Variants in TCF7 observed in about 807,000 individuals in gnomAD.
TCF7 encodes T-cell-factor-7.
Under a neutral mutation model 46.8 loss-of-function variants are expected in TCF7, and 19 were observed. The observed-to-expected ratio is 0.41, with a 90% CI of 0.28 to 0.60. The LOEUF is 0.60. TCF7 is among the 20% of genes least tolerant of loss of function. The pLI is 0.35. For missense variants in TCF7, 547 were observed against 504.6 expected (o/e 1.08, Z -0.81); for synonymous variants, 245 against 213.4 (o/e 1.15, Z -1.29).
Position 134,142,705 on chromosome 5 carries a change from G to T in TCF7, c.756-16G>T. 1 of 1,613,480 alleles carries T rather than the reference G, an allele frequency of 6.2e-7. No homozygotes were observed. Among genetic ancestry groups the T allele is most frequent in the Non-Finnish European group, 8.5e-7 (1 of 1,179,686 alleles). Reference sequence around the variant, plus strand: ...ACTCGGGGGGCTCCTGAACAATCTGGATTTGTGCCCCTCAGGAAGACACAA... The same window carrying T: ...ACTCGGGGGGCTCCTGAACAATCTGTATTTGTGCCCCTCAGGAAGACACAA... On this transcript the variant is annotated splice_polypyrimidine_tract_variant and intron_variant, in intron 6 of 9. Coordinates refer to ENST00000342854, the MANE Select transcript of TCF7 (RefSeq NM_003202.5).
At position 134,115,045 on chromosome 5, in the gene TCF7, G is replaced by A. The variant is rs1490018443; in HGVS notation, c.139G>A (p.Asp47Asn). ...CGACAGCGCCGCCGGTCCCGAGCGC[G>A]ACCTGGCCGAGCTCAAGTCGTCGCT... The part of the protein sequence containing the change: ...SRDSAAGPER[D>N]LAELKSSLVN... The change falls in exon 1 of 10, where the codon GAC (aspartate) becomes AAC (asparagine). Residue 47 changes from aspartate (D) to asparagine (N), a missense_variant. By Grantham distance (23) the Asp-to-Asn change is conservative. Transcript: ENST00000342854. 6.5e-6 allele frequency: 8 copies of A among 1,231,628 alleles called. No individual in the cohort carries two copies. Among genetic ancestry groups the A allele is most frequent in the Non-Finnish European group, 8.3e-6 (8 of 961,690 alleles). The allele number at this position is 1,231,628 out of a possible 1,614,324, so 76.3% of individuals were successfully genotyped here. A position where few individuals can be genotyped will look rare whatever the true frequency, so the allele number is the denominator to read the frequency against.
At chr5:134,140,355 G>C (rs1759551419) in intron 5 of TCF7, among the ~76,000 whole-genome samples, 1 of 152,200 alleles carries the variant, frequency 6.6e-6, no homozygotes, top group Non-Finnish European at 1.5e-5. Context: ...GGGACTGTAG[G>C]AGCCCAGAGA....
intron 8 of TCF7, 141 bp from the exon 9 acceptor site, chr5:134,143,451 G>GCAAT (rs1760184457): frequency 1.0e-6 from 1 of 973,826 alleles, no homozygotes; most frequent in African/African-American, 1.6e-5. Flanking sequence ...AGCAAGACCA[G>GCAAT]CAATCAAGAA....
At chr5:134,130,805 AACACTGGCTTAC>A (rs762761878) in intron 3 of TCF7, among the ~76,000 whole-genome samples, 19 of 151,976 alleles carry the variant, frequency 1.3e-4, no homozygotes, top group Non-Finnish European at 1.8e-4. Flanking sequence ...ATTTTCCCTA[AACACTGGCTTAC>A]ACACGCCTCC....
intron 3 of TCF7, among the ~76,000 whole-genome samples, chr5:134,136,396 C>T (rs1256325199): frequency 6.6e-6 from 1 of 152,178 alleles, no homozygotes; most frequent in Non-Finnish European, 1.5e-5. Context: ...CTGTGAAGCC[C>T]TGTTATGTAA....
rs371873234 is a variant in TCF7, at chr5:134,125,422, C to T, written c.441+9389C>T. Among the ~76,000 whole-genome samples, 26 of 152,322 alleles carry T rather than the reference C, an allele frequency of 1.7e-4. 1 individual carries two copies. In the East Asian group the frequency reaches 3.3e-3, roughly 19 times the overall value. On this transcript the variant is annotated intron_variant, in intron 3 of 9. Transcript: ENST00000342854. ...GGCCACCTCCCTTGCCAGGGAGCCC[C>T]GACTGGCAGGGCCCCACCCACTCAC... is the stretch of plus-strand genomic sequence containing the variant.
chr5:134,145,572 G>A (rs1013741304), intron 9 of TCF7: 28 of 694,006 alleles, frequency 4.0e-5, no homozygotes, highest in Non-Finnish European at 5.6e-5. Flanking sequence ...ACTCCAGGCA[G>A]TAAGGCCACT....
chr5:134,119,022 C>G (rs141001021), intron 3 of TCF7, among the ~76,000 whole-genome samples: 2 of 152,248 alleles, frequency 1.3e-5, no homozygotes, highest in East Asian at 3.9e-4. Context: ...CTGCTCTGCT[C>G]TGAGACCTGA....
chr5:134,141,520 T>TC (rs1759754377), intron 5 of TCF7: 1 of 150,960 alleles, frequency 6.6e-6, no homozygotes, highest in African/African-American at 2.5e-5. Flanking sequence ...GCCAGCTGAG[T>TC]GATGGGGAAG....
chr5:134,115,562 C>G (rs926005586), intron 2 of TCF7, 175 bp downstream of exon 2: 1 of 1,441,934 alleles, frequency 6.9e-7, no homozygotes, highest in African/African-American at 1.5e-5. Flanking sequence ...CGGGTCGAGT[C>G]ACTTCCGGTG....
At chr5:134,111,339 C>A (rs1755326797), upstream of TCF7, among the ~76,000 whole-genome samples, 2 of 152,154 alleles carry the variant, frequency 1.3e-5, no homozygotes, top group Non-Finnish European at 1.5e-5. Context: ...AATCACCAGC[C>A]CTGGCCTGGT....
chr5:134,127,056 C>G (rs1034399679), intron 3 of TCF7, among the ~76,000 whole-genome samples: 2 of 152,232 alleles, frequency 1.3e-5, no homozygotes, highest in African/African-American at 4.8e-5. Flanking sequence ...GAAACCCATG[C>G]TCCTCCCTGC....
At chr5:134,111,142 G>T (rs1755325492), upstream of TCF7, among the ~76,000 whole-genome samples, 1 of 152,172 alleles carries the variant, frequency 6.6e-6, no homozygotes, top group African/African-American at 2.4e-5. Flanking sequence ...CTCAGAGAGG[G>T]TCAGCAATCT....
chr5:134,140,215 C>G (rs1759532084), intron 5 of TCF7, among the ~76,000 whole-genome samples: 1 of 152,180 alleles, frequency 6.6e-6, no homozygotes, highest in African/African-American at 2.4e-5. Context: ...GTTCTGGGCA[C>G]CAGGGAAGTC....
chr5:134,115,837 T>C, intron 2 of TCF7, 72 bp from the exon 3 acceptor site: 1 of 1,604,496 alleles, frequency 6.2e-7, no homozygotes, highest in Non-Finnish European at 8.5e-7. Flanking sequence ...TCTTTTTCTC[T>C]CAAGAGCAGA....
Position 134,116,055 on chromosome 5 carries a change from TG to T in TCF7, c.441+23del, listed in dbSNP as rs757676031. On this transcript the variant is annotated intron_variant, in intron 3 of 9. Coordinates refer to ENST00000342854, the MANE Select transcript of TCF7 (RefSeq NM_003202.5). ...GCTGGTAAGTGGACCCCGCAGCCAG[TG>T]CCGCCCTGTGCTTGCAGCCTCCTTG... 4 of 1,600,012 alleles carry T rather than the reference TG, an allele frequency of 2.5e-6. No individual in the cohort carries two copies. In the East Asian group the frequency reaches 8.9e-5, roughly 36 times the overall value.
upstream of TCF7, among the ~76,000 whole-genome samples, chr5:134,112,835 C>T (rs571929961): frequency 6.6e-6 from 1 of 152,278 alleles, no homozygotes; most frequent in African/African-American, 2.4e-5. Context: ...TGACTTTTCT[C>T]CTTTCTCCAA....
chr5:134,123,578 G>T (rs551800610), intron 3 of TCF7: 20 of 418,020 alleles, frequency 4.8e-5, no homozygotes, highest in Admixed American at 4.7e-4. Context: ...AACAAAGGAG[G>T]AGAGAGGCAG....
At chr5:134,140,848 T>C in intron 5 of TCF7, 1 of 451,578 alleles carries the variant, frequency 2.2e-6, no homozygotes, top group African/African-American at 2.0e-5. Flanking sequence ...TAGACAGCAC[T>C]TCCCTGCCCC....
Sources: allele counts gnomAD v4.1 joint callset (sites outside exome capture counted in the v4.1 genomes callset), GRCh38; gene constraint gnomAD v4.1.1; transcripts MANE v1.5; gene names NCBI Gene and HGNC (gene_info 2026-07-23, HGNC 2026-07-21).